Variants in GALC observed in about 807,000 individuals in gnomAD.
GALC encodes galactocerebrosidase.
In GALC, 77 loss-of-function variants were observed where a neutral mutation model predicts 91.8. That is an observed-to-expected ratio of 0.84 (90% CI 0.70 to 1.01). The LOEUF is 1.01. Among genes scored for constraint, GALC ranks in the 50% least tolerant of loss-of-function variants. The probability of loss-of-function intolerance (pLI) is 0.00; values close to 1 mark genes in which losing one functional copy is unlikely to be tolerated. For synonymous variants in GALC, 357 were observed against 306.7 expected, an observed-to-expected ratio of 1.16 and a Z score of -1.71; for missense variants, 882 against 855.9, an observed-to-expected ratio of 1.03 and a Z score of -0.38.
intron 12 of GALC, among the ~76,000 whole-genome samples, chr14:87,949,511 A>C (rs1885216830): frequency 6.6e-6 from 1 of 152,052 alleles, no homozygotes; most frequent in South Asian, 2.1e-4. Context: ...GGAGAGCGAT[A>C]ATGAAGAACT....
intron 3 of GALC, chr14:87,987,014 T>G (rs1595239600): frequency 2.2e-6 from 1 of 454,856 alleles, no homozygotes. Flanking sequence ...CCTGGACTCG[T>G]GAGCCCTGTT....
At chr14:87,945,205 T>C (rs1885019849) in intron 14 of GALC, among the ~76,000 whole-genome samples, 1 of 151,880 alleles carries the variant, frequency 6.6e-6, no homozygotes, top group Non-Finnish European at 1.5e-5. Flanking sequence ...ACAAATCAAC[T>C]CTCCAGCAAA....
At chr14:87,964,465 C>CA (rs1263807091) in intron 9 of GALC, among the ~76,000 whole-genome samples, 2 of 151,912 alleles carry the variant, frequency 1.3e-5, no homozygotes, top group African/African-American at 4.8e-5. Flanking sequence ...TAATCTTTTA[C>CA]AAAAAAACTG....
At chr14:87,992,665 G>A (rs1189207371) in intron 1 of GALC, 5 of 1,439,126 alleles carry the variant, frequency 3.5e-6, no homozygotes, top group African/African-American at 1.4e-5. Flanking sequence ...CTGGGACGAG[G>A]GTTCCAGCCC....
rs1884499476 is a variant in GALC, at chr14:87,934,800, C to T, written c.1990G>A (p.Ala664Thr). 6.2e-7 allele frequency: 1 copy of T among 1,613,026 alleles called. No individual in the cohort carries two copies. The highest frequency in any genetic ancestry group is 8.5e-7 in the Non-Finnish European group (1 of 1,179,272). ...TCAAAGGAGTGAGTTCCAATTGCAG[C>T]CCAGCCATTCTTTGGAAAATTCACA... is the stretch of plus-strand genomic sequence containing the variant. ...IPVNFPKNGW[A>T]AIGTHSFEFA... The change falls in exon 17 of 17, where the codon GCT (alanine) becomes ACT (threonine). Residue 664 changes from alanine (A) to threonine (T), a missense_variant. Transcript: ENST00000261304.
rs968451181 is a variant in GALC, at chr14:87,992,893, C to T, written c.195+77G>A. On this transcript the variant is annotated intron_variant, in intron 1 of 16. Coordinates refer to ENST00000261304, the MANE Select transcript of GALC (RefSeq NM_000153.4). The stretch of plus-strand genomic sequence containing the variant: ...GAGCCGGTGGAAACGCAGGGCAACG[C>T]CGCGGGGGCTTGTGGGGCTGGCCCC... The T allele has an allele frequency of 3.5e-6, 5 of 1,439,286 alleles. No individual in the cohort carries two copies. In the African/African-American group the frequency reaches 6.0e-5, roughly 17 times the overall value. 89.2% of individuals were successfully genotyped at this position (1,439,286 alleles called of 1,614,324 possible). A position where few individuals can be genotyped will look rare whatever the true frequency, so the allele number is the denominator to read the frequency against.
At chr14:87,963,579 A>G (rs956125479) in intron 9 of GALC, 68 bp from the exon 10 acceptor site, 1 of 1,394,862 alleles carries the variant, frequency 7.2e-7, no homozygotes, top group Non-Finnish European at 1.0e-6. Flanking sequence ...TGGGAAAAAA[A>G]AAAAGCTGTA....
chr14:87,947,521 G>A (rs1885119833), intron 13 of GALC, among the ~76,000 whole-genome samples: 1 of 151,656 alleles, frequency 6.6e-6, no homozygotes, highest in African/African-American at 2.4e-5. Context: ...ATTTTTTTCT[G>A]AAACTGAAAA....
rs1884764354 is a variant in GALC, at chr14:87,939,922, G to A, written c.1894C>T (p.Leu632Phe). The change falls in exon 16 of 17, where the codon CTC (leucine) becomes TTC (phenylalanine). Residue 632 changes from leucine (L) to phenylalanine (F), a missense_variant. By Grantham distance (22) the Leu-to-Phe change is conservative. Transcript: ENST00000261304. The stretch of plus-strand genomic sequence containing the variant: ...ATACTTACCTTAATAGTTAACGTGA[G>A]TGTATACCATTTTTTTGCTGTAACT... Reference protein sequence around the residue: ...VEVTAKKWYTLTLTIKGHFTS... With the variant: ...VEVTAKKWYTFTLTIKGHFTS... 1.2e-6 allele frequency: 2 copies of A among 1,609,096 alleles called. No homozygotes were observed. Among genetic ancestry groups the A allele is most frequent in the South Asian group, 1.1e-5 (1 of 90,978 alleles).
intron 16 of GALC, among the ~76,000 whole-genome samples, chr14:87,935,848 A>C (rs924842451): frequency 1.3e-5 from 2 of 152,036 alleles, no homozygotes; most frequent in Non-Finnish European, 2.9e-5. Flanking sequence ...GGCTTAATAG[A>C]TTAAAGCTCA....
intron 7 of GALC, 37 bp from the exon 8 acceptor site, chr14:87,968,527 T>A: frequency 6.2e-7 from 1 of 1,600,966 alleles, no homozygotes; most frequent in South Asian, 1.1e-5. Context: ...TGAAAAAAGG[T>A]CACGACGTGG....
intron 14 of GALC, among the ~76,000 whole-genome samples, chr14:87,943,738 TCC>T (rs1461157335): frequency 5.3e-5 from 8 of 152,008 alleles, no homozygotes; most frequent in Non-Finnish European, 1.0e-4. Flanking sequence ...TTTTATTCCC[TCC>T]TTTTCCCACA....
chr14:87,963,227 G>C (rs966319270), intron 10 of GALC, 157 bp downstream of exon 10: 1 of 687,570 alleles, frequency 1.5e-6, no homozygotes, highest in South Asian at 1.7e-5. Context: ...TATGTTTTAC[G>C]ACTCATGGCT....
In GALC at chr14:87,934,112, A is replaced by G; in HGVS notation, c.*620T>C. 1.3e-5 allele frequency: 19 copies of G among 1,491,864 alleles called. No individual in the cohort carries two copies. Among genetic ancestry groups the G allele is most frequent in the Non-Finnish European group, 1.7e-5 (19 of 1,119,228 alleles). 92.4% of individuals were successfully genotyped at this position (1,491,864 alleles called of 1,614,324 possible). A position where few individuals can be genotyped will look rare whatever the true frequency, so the allele number is the denominator to read the frequency against. ...TCTGCTAATATCTATTACTGCAGAA[A>G]TAGTGTTAGAGGTAGTTTATTAAAG... On this transcript the variant is annotated 3_prime_UTR_variant, in exon 17 of 17. Transcript: ENST00000261304.
chr14:87,977,208 C>T (rs1191451249), intron 6 of GALC, among the ~76,000 whole-genome samples: 3 of 152,096 alleles, frequency 2.0e-5, no homozygotes, highest in South Asian at 2.1e-4. Context: ...GTATTTTCCA[C>T]GGTCTTCAAA....
chr14:87,966,909 A>G (rs575434443), intron 8 of GALC, among the ~76,000 whole-genome samples: 1 of 152,328 alleles, frequency 6.6e-6, no homozygotes, highest in East Asian at 1.9e-4. Context: ...AAACAATAAT[A>G]TATTTTCCAC....
chr14:87,947,226 CT>C (rs1187281950), intron 13 of GALC, among the ~76,000 whole-genome samples: 1 of 151,834 alleles, frequency 6.6e-6, no homozygotes, highest in African/African-American at 2.4e-5. Flanking sequence ...TAACCAAAAA[CT>C]TTTCTAACAA....
intron 7 of GALC, among the ~76,000 whole-genome samples, chr14:87,972,851 G>A (rs559806632): frequency 2.0e-5 from 3 of 152,124 alleles, no homozygotes; most frequent in African/African-American, 7.2e-5. Flanking sequence ...GAAAACCAAA[G>A]TAATGGAGTG....
intron 10 of GALC, chr14:87,955,105 T>C (rs1463552073): frequency 1.5e-6 from 2 of 1,357,110 alleles, no homozygotes; most frequent in Admixed American, 1.7e-5. Flanking sequence ...TCAGAGCCTT[T>C]TTGTGTTAGA....
Sources: allele counts gnomAD v4.1 joint callset (sites outside exome capture counted in the v4.1 genomes callset), GRCh38; gene constraint gnomAD v4.1.1; transcripts MANE v1.5; gene names NCBI Gene and HGNC (gene_info 2026-07-23, HGNC 2026-07-21).